RP1: variants seen among roughly 807,000 people sequenced by gnomAD.
RP1 encodes oxygen-regulated protein 1.
Under a neutral mutation model 14.8 loss-of-function variants are expected in RP1, and 16 were observed. The ratio of observed to expected loss-of-function variants is 1.08; its 90% confidence interval spans 0.73 to 1.65. RP1 has a LOEUF of 1.65. Ranked by LOEUF, RP1 falls within the 40% of genes most tolerant of loss-of-function variation. The pLI, the probability that RP1 is intolerant of heterozygous loss-of-function variation, is 0.00. For missense variants in RP1, 2,631 were observed against 2,535.0 expected (o/e 1.04, Z -0.81); for synonymous variants, 876 against 883.6 (o/e 0.99, Z 0.15).
At chr8:54,649,473 G>A (rs974136975) in intron 4 of RP1, among the ~76,000 whole-genome samples, 1 of 152,106 alleles carries the variant, frequency 6.6e-6, no homozygotes, top group African/African-American at 2.4e-5. Context: ...TGTCAAACAA[G>A]GAAGGCAAAA....
intron 4 of RP1, among the ~76,000 whole-genome samples, chr8:54,650,166 T>G (rs756444238): frequency 2.0e-5 from 3 of 152,206 alleles, no homozygotes; most frequent in African/African-American, 7.2e-5. Context: ...TTTTATAGTT[T>G]GATGCTTCTT....
chr8:54,750,715 TA>T (rs140969665), intron 19 of RP1, among the ~76,000 whole-genome samples: 10,458 of 151,970 alleles, frequency 0.069, 1,133 homozygotes, highest in African/African-American at 0.23. Flanking sequence ...TAGTGCTCTA[TA>T]AAAACGCACC....
chr8:54,693,511 T>C (rs1270511389), intron 12 of RP1, among the ~76,000 whole-genome samples: 1 of 152,170 alleles, frequency 6.6e-6, no homozygotes, highest in African/African-American at 2.4e-5. Context: ...TGGTTTGTAG[T>C]TCTCCTTGAA....
chr8:54,794,649 C>A (rs973796894), intron 24 of RP1, among the ~76,000 whole-genome samples: 1 of 151,988 alleles, frequency 6.6e-6, no homozygotes, highest in Non-Finnish European at 1.5e-5. Flanking sequence ...GCAAAACCCA[C>A]TTTTCCCTAT....
intron 12 of RP1, among the ~76,000 whole-genome samples, chr8:54,691,459 A>C (rs1417751011): frequency 6.6e-6 from 1 of 152,086 alleles, no homozygotes; most frequent in Non-Finnish European, 1.5e-5. Flanking sequence ...TATGAGTTCT[A>C]GTTTGTGCAT....
chr8:54,630,414 G>A lies in RP1; in HGVS notation c.*61G>A, dbSNP rs1185684365. 1.2e-6 allele frequency: 2 copies of A among 1,601,314 alleles called. No individual in the cohort carries two copies. Among genetic ancestry groups the A allele is most frequent in the African/African-American group, 2.7e-5 (2 of 74,730 alleles). On this transcript the variant is annotated 3_prime_UTR_variant, in exon 4 of 4. Transcript: ENST00000220676. The stretch of plus-strand genomic sequence containing the variant: ...TTTTTTCCCATGAGATGAAGCACAT[G>A]TGACGAATACGGACTAGATAACCTC...
In RP1 at chr8:54,626,842, G is replaced by A. The variant is rs747536867; in HGVS notation, c.2960G>A (p.Cys987Tyr). 1.3e-5 allele frequency: 21 copies of A among 1,613,686 alleles called. No individual in the cohort carries two copies. The East Asian group carries it at 4.7e-4, about 36-fold the overall frequency. Residue 987 changes from cysteine (C) to tyrosine (Y), a missense_variant, in exon 4 of 4, where the codon TGT (cysteine) becomes TAT (tyrosine). Transcript: ENST00000220676. ...KIAGLTGDNL[C>Y]KEGDKSFIAN... The stretch of plus-strand genomic sequence containing the variant: ...GCCGGTTTGACAGGAGATAATCTAT[G>A]TAAAGAGGGAGATAAGTCTTTTATT...
chr8:54,683,843 G>A (rs1807490228), intron 12 of RP1, among the ~76,000 whole-genome samples: 1 of 152,112 alleles, frequency 6.6e-6, no homozygotes, highest in Non-Finnish European at 1.5e-5. Context: ...ATGTTGAATA[G>A]GAGTAGTAAG....
At chr8:54,765,628 C>T (rs1809742430) in intron 22 of RP1, among the ~76,000 whole-genome samples, 1 of 152,232 alleles carries the variant, frequency 6.6e-6, no homozygotes, top group Non-Finnish European at 1.5e-5. Flanking sequence ...GCTTCTGTCT[C>T]TAGACATTCT....
rs566473582 is a variant in RP1, at chr8:54,641,976, A to G, written c.788-7009A>G. Among the ~76,000 whole-genome samples the G allele has an allele frequency of 7.2e-5, 11 of 152,328 alleles. No individual in the cohort carries two copies. In the South Asian group the frequency reaches 2.3e-3, roughly 32 times the overall value. ...ACAAAGATACTATTCACATTCATAG[A>G]AAAGTCAAGCCATTTCTGACTAGAG... On this transcript the variant is annotated intron_variant, in intron 3 of 22. Coordinates refer to the RP1 transcript ENST00000636932.
Position 54,842,233 on chromosome 8 carries a change from G to T in RP1, c.3835+4564G>T, listed in dbSNP as rs548805299. ...ATAGCTCAGATACACAGCATCTGGC[G>T]GCAAATCTAGGTCTCCATCACTGGC... On this transcript the variant is annotated intron_variant, in intron 25 of 28. Transcript: ENST00000637698. 5.1e-4 allele frequency among the ~76,000 whole-genome samples: 77 copies of T among 152,284 alleles called. 1 individual carries two copies. The highest frequency in any genetic ancestry group is 9.7e-4 in the Non-Finnish European group (66 of 68,024).
downstream of RP1, among the ~76,000 whole-genome samples, chr8:54,773,382 A>T (rs1809954863): frequency 6.6e-6 from 1 of 152,116 alleles, no homozygotes; most frequent in Non-Finnish European, 1.5e-5. Context: ...CATGCCTGTA[A>T]TCCCAGCACT....
At chr8:54,828,785 C>T (rs183429774) in intron 24 of RP1, among the ~76,000 whole-genome samples, 6 of 151,828 alleles carry the variant, frequency 4.0e-5, no homozygotes, top group East Asian at 3.9e-4. Context: ...GTGTTCTCTA[C>T]GACATTATGA....
At chr8:54,692,038 T>C (rs1807726577) in intron 12 of RP1, among the ~76,000 whole-genome samples, 1 of 151,834 alleles carries the variant, frequency 6.6e-6, no homozygotes, top group Non-Finnish European at 1.5e-5. Flanking sequence ...CGTTGTTCAA[T>C]TCCCACCTAT....
intron 24 of RP1, among the ~76,000 whole-genome samples, chr8:54,823,546 C>T (rs371973909): frequency 6.6e-6 from 1 of 152,002 alleles, no homozygotes; most frequent in Non-Finnish European, 1.5e-5. Context: ...ACCTGGCTGG[C>T]CTTGAACTCC....
At chr8:54,812,746 CCATG>C (rs1442975759) in intron 24 of RP1, among the ~76,000 whole-genome samples, 3 of 150,164 alleles carry the variant, frequency 2.0e-5, no homozygotes, top group African/African-American at 4.9e-5. Flanking sequence ...ATCTATGTAT[CCATG>C]TATCTATCTA....
chr8:54,834,777 A>G (rs930856573), intron 24 of RP1, among the ~76,000 whole-genome samples: 4 of 151,640 alleles, frequency 2.6e-5, no homozygotes, highest in African/African-American at 9.7e-5. Context: ...ATACTTCTAC[A>G]TTCCTGCCCT....
Position 54,621,464 on chromosome 8 carries a change from G to A in RP1, c.498G>A (p.Thr166=), listed in dbSNP as rs267601947. The change falls in exon 2 of 4, where the codon ACG becomes ACA. Residue 166 remains threonine, a synonymous_variant. Transcript: ENST00000220676. ...TCTTCAGGAATGGCGACCCGAAGACGAGGCGTGCGGTTCTTCTGAGCAGGA... is the reference window on the plus strand; with the variant it reads ...TCTTCAGGAATGGCGACCCGAAGACAAGGCGTGCGGTTCTTCTGAGCAGGA... ...LVVFRNGDPK[T]RRAVLLSRRV... is the part of the protein sequence containing the mutation. The A allele has an allele frequency of 1.4e-5, 23 of 1,613,888 alleles. No homozygotes were observed. Among genetic ancestry groups the A allele is most frequent in the Middle Eastern group, 1.6e-4 (1 of 6,084 alleles).
exon 18 of RP1, chr8:54,734,669 A>G (rs1242419628): frequency 1.3e-6 from 2 of 1,535,784 alleles, no homozygotes; most frequent in Non-Finnish European, 1.7e-6. Context: ...GAGATAAAGG[A>G]GTCACTGGGC....
Sources: gnomAD v4.1 joint callset for allele counts (sites outside exome capture counted in the v4.1 genomes callset) on GRCh38, gnomAD v4.1.1 for gene constraint, MANE v1.5 for transcripts, NCBI Gene and HGNC (gene_info 2026-07-23, HGNC 2026-07-21) for gene names.